The following GALNT10 variants were observed in gnomAD, a reference collection of about 807,000 sequenced individuals.
GALNT10 encodes the protein GalNAc transferase 10.
GALNT10 carries 41 observed loss-of-function variants against 75.0 expected under a neutral mutation model. The observed-to-expected ratio is 0.55, with a 90% CI of 0.43 to 0.71. The LOEUF is 0.71. Ranked by LOEUF, GALNT10 falls within the 30% of genes least tolerant of loss-of-function variation. The pLI is 0.00. For missense variants in GALNT10, 727 were observed against 818.5 expected (o/e 0.89, Z 1.36); for synonymous variants, 302 against 313.0 (o/e 0.96, Z 0.37).
chr5:154,398,443 C>T (rs1483277270), intron 7 of GALNT10, among the ~76,000 whole-genome samples: 11 of 152,226 alleles, frequency 7.2e-5, no homozygotes, highest in Non-Finnish European at 1.5e-4. Context: ...GACTCTGCTC[C>T]TGCCTCTTGG....
chr5:154,334,418 C>T (rs1406988681), intron 4 of GALNT10, among the ~76,000 whole-genome samples: 1 of 152,186 alleles, frequency 6.6e-6, no homozygotes, highest in Non-Finnish European at 1.5e-5. Context: ...TGTTTTTGCA[C>T]ATGTGGAAGG....
chr5:154,205,026 T>C (rs939920868), intron 1 of GALNT10, among the ~76,000 whole-genome samples: 1 of 152,232 alleles, frequency 6.6e-6, no homozygotes, highest in Non-Finnish European at 1.5e-5. Context: ...GATAGGACTC[T>C]GACTTCTCCA....
intron 1 of GALNT10, among the ~76,000 whole-genome samples, chr5:154,252,219 C>A (rs1443289168): frequency 6.6e-6 from 1 of 152,146 alleles, no homozygotes; most frequent in Non-Finnish European, 1.5e-5. Context: ...TGTTATACCA[C>A]TGTCTCCCTC....
At position 154,409,368 on chromosome 5, in the gene GALNT10, A is replaced by C; in HGVS notation, c.1165-173A>C. 1.5e-6 allele frequency: 1 copy of C among 675,880 alleles called. No individual in the cohort carries two copies. The allele number at this position is 675,880 out of a possible 1,614,324, so 41.9% of individuals were successfully genotyped here. A position where few individuals can be genotyped will look rare whatever the true frequency, so the allele number is the denominator to read the frequency against. On this transcript the variant is annotated intron_variant, in intron 8 of 11. Coordinates refer to ENST00000297107, the MANE Select transcript of GALNT10 (RefSeq NM_198321.4). The surrounding 1 kb of genome is among the most constrained non-coding windows in gnomAD (Gnocchi z 4.5). ...CTATAAGCTGTGAAGCCCTTAAAAC[A>C]TGCATAATGATAAATAGAAACACAG...
At chr5:154,363,945 G>A (rs555503121) in intron 4 of GALNT10, among the ~76,000 whole-genome samples, 8 of 152,228 alleles carry the variant, frequency 5.3e-5, no homozygotes, top group Admixed American at 2.6e-4. Flanking sequence ...AGTTATGATC[G>A]AACATCTGTG....
At chr5:154,306,805 T>G (rs1180370602) in intron 3 of GALNT10, among the ~76,000 whole-genome samples, 1 of 152,088 alleles carries the variant, frequency 6.6e-6, no homozygotes, top group Non-Finnish European at 1.5e-5. Context: ...TCAACACCTC[T>G]GTCTCAATAA....
chr5:154,215,042 A>T (rs1361219322), intron 1 of GALNT10, among the ~76,000 whole-genome samples: 1 of 152,256 alleles, frequency 6.6e-6, no homozygotes, highest in Non-Finnish European at 1.5e-5. Flanking sequence ...GACTGCATAT[A>T]TGTATAACTT....
chr5:154,221,844 G>A (rs758347953), intron 1 of GALNT10, among the ~76,000 whole-genome samples: 4 of 152,276 alleles, frequency 2.6e-5, no homozygotes, highest in Middle Eastern at 3.4e-3. Context: ...CTGACACCGC[G>A]CTTACAGTAG....
intron 3 of GALNT10, among the ~76,000 whole-genome samples, chr5:154,310,111 C>A (rs977619515): frequency 6.6e-6 from 1 of 152,194 alleles, no homozygotes; most frequent in Non-Finnish European, 1.5e-5. Flanking sequence ...CACCCGCCCC[C>A]ACCCCATGGT....
chr5:154,230,509 A>C (rs528076133), intron 1 of GALNT10, among the ~76,000 whole-genome samples: 2 of 152,292 alleles, frequency 1.3e-5, no homozygotes, highest in African/African-American at 4.8e-5. Context: ...AAGACTTTCA[A>C]GGCCCCAAAT....
intron 4 of GALNT10, among the ~76,000 whole-genome samples, chr5:154,342,801 G>T (rs993553562): frequency 3.3e-5 from 5 of 152,068 alleles, no homozygotes; most frequent in Middle Eastern, 3.2e-3. Context: ...AATTTCAGCC[G>T]CTATTCATTA....
chr5:154,237,089 G>T (rs745502851), intron 1 of GALNT10, among the ~76,000 whole-genome samples: 1 of 152,200 alleles, frequency 6.6e-6, no homozygotes, highest in East Asian at 1.9e-4. Flanking sequence ...TCCTAAACTG[G>T]TTCTTTGTGT....
intron 1 of GALNT10, among the ~76,000 whole-genome samples, chr5:154,242,452 T>G (rs931173169): frequency 6.6e-6 from 1 of 152,228 alleles, no homozygotes; most frequent in Non-Finnish European, 1.5e-5. Flanking sequence ...GGCACTTTTC[T>G]TCTTCCTGCT....
intron 4 of GALNT10, among the ~76,000 whole-genome samples, chr5:154,373,684 A>C (rs1483495389): frequency 6.6e-6 from 1 of 152,174 alleles, no homozygotes; most frequent in Non-Finnish European, 1.5e-5. Flanking sequence ...CTATGCCTTT[A>C]TGAAATGTCC....
intron 3 of GALNT10, among the ~76,000 whole-genome samples, chr5:154,326,741 A>G (rs978481983): frequency 3.9e-5 from 6 of 152,184 alleles, no homozygotes; most frequent in Non-Finnish European, 8.8e-5. Context: ...GCTAGCTGGC[A>G]GGAGGGGAAG....
rs767552067 is a variant in GALNT10, at chr5:154,409,662, C to G, written c.1286C>G (p.Ser429Cys). 1 of 1,613,984 alleles carries G rather than the reference C, an allele frequency of 6.2e-7. No homozygotes were observed. The highest frequency in any genetic ancestry group is 1.7e-5 in the Admixed American group (1 of 60,018). Residue 429 changes from serine to cysteine, a missense_variant, in exon 9 of 12, where the codon TCC becomes TGC. Transcript: ENST00000297107. The surrounding 1 kb of genome is among the most constrained non-coding windows in gnomAD (Gnocchi z 4.5). Reference protein sequence around the residue: ...DVAVQKKLRSSLNCKSFKWFM... With the variant: ...DVAVQKKLRSCLNCKSFKWFM... ...GCAGTCCAGAAAAAGCTCCGCAGCT[C>G]CCTTAACTGCAAGAGTTTCAAGTGG...
intron 4 of GALNT10, among the ~76,000 whole-genome samples, chr5:154,354,913 G>T (rs1280325735): frequency 6.6e-6 from 1 of 152,164 alleles, no homozygotes; most frequent in African/African-American, 2.4e-5. Flanking sequence ...AGTCATATGT[G>T]TTTTCATCTC....
At chr5:154,391,908 T>A (rs1250031811) in intron 7 of GALNT10, among the ~76,000 whole-genome samples, 2 of 152,164 alleles carry the variant, frequency 1.3e-5, no homozygotes, top group African/African-American at 4.8e-5. Context: ...GTCCCCAGGT[T>A]GAGTCTCATT....
At chr5:154,327,402 G>T (rs541973594) in intron 3 of GALNT10, among the ~76,000 whole-genome samples, 8 of 152,274 alleles carry the variant, frequency 5.3e-5, no homozygotes, top group Admixed American at 5.2e-4. Context: ...CAGGAAATGT[G>T]TGAGTTAAGC....
Sources: allele counts gnomAD v4.1 joint callset (sites outside exome capture counted in the v4.1 genomes callset), GRCh38; gene constraint gnomAD v4.1.1; non-coding constraint Gnocchi (gnomAD v3.1); transcripts MANE v1.5; gene names NCBI Gene and HGNC (gene_info 2026-07-23, HGNC 2026-07-21).